The following HYCC1 variants were observed in gnomAD, a reference collection of about 807,000 sequenced individuals.
HYCC1 encodes the protein hyccin PI4KA lipid kinase complex subunit 1, also known as hyccin.
the HYCC1 span, among the ~76,000 whole-genome samples, chr7:22,982,428 C>CT: frequency 6.6e-6 from 1 of 152,138 alleles, no homozygotes; most frequent in Non-Finnish European, 1.5e-5. Flanking sequence ...TCTATACCCC[C>CT]TCCAAAAGAG....
At chr7:22,946,911 T>C in the HYCC1 span, 1 of 1,506,512 alleles carries the variant, frequency 6.6e-7, no homozygotes, top group Non-Finnish European at 8.9e-7. Context: ...ACTGTGCAAC[T>C]GCTGCTTAAC....
chr7:23,001,102 C>G, the HYCC1 span, among the ~76,000 whole-genome samples: 1 of 152,022 alleles, frequency 6.6e-6, no homozygotes, highest in African/African-American at 2.4e-5. Context: ...CTCAATGTGA[C>G]CAAATGTGTC....
At chr7:22,995,167 A>T in the HYCC1 span, among the ~76,000 whole-genome samples, 3 of 151,766 alleles carry the variant, frequency 2.0e-5, no homozygotes, top group African/African-American at 7.3e-5. Context: ...TCTTATTACC[A>T]CTCAAGATCA....
the HYCC1 span, among the ~76,000 whole-genome samples, chr7:22,958,523 G>A: frequency 0.012 from 1,761 of 152,164 alleles, 33 homozygotes; most frequent in African/African-American, 0.039. Context: ...TTTAATGAGG[G>A]TACAATCCTA....
At chr7:22,985,600 C>A in the HYCC1 span, 1 of 151,346 alleles carries the variant, frequency 6.6e-6, no homozygotes, top group East Asian at 1.9e-4. Context: ...ATTCTCCCGA[C>A]GGGGGAAAAA....
chr7:23,008,215 T>C, the HYCC1 span, among the ~76,000 whole-genome samples: 1 of 152,058 alleles, frequency 6.6e-6, no homozygotes, highest in Non-Finnish European at 1.5e-5. Context: ...GAAAACAGTA[T>C]ACGAGAATTA....
the HYCC1 span, among the ~76,000 whole-genome samples, chr7:22,974,591 C>A: frequency 6.6e-6 from 1 of 152,142 alleles, no homozygotes; most frequent in African/African-American, 2.4e-5. Flanking sequence ...TCTACCAAGC[C>A]CTTTGTCTTG....
At chr7:22,914,782 A>G in the HYCC1 span, among the ~76,000 whole-genome samples, 1 of 151,818 alleles carries the variant, frequency 6.6e-6, no homozygotes, top group Non-Finnish European at 1.5e-5. Flanking sequence ...CCTCCTCCCC[A>G]GTCTGCTCCT....
the HYCC1 span, among the ~76,000 whole-genome samples, chr7:23,008,861 AT>A: frequency 6.6e-6 from 1 of 151,996 alleles, no homozygotes. Context: ...AAAGATGTAA[AT>A]TTTTTTAAAA....
the HYCC1 span, among the ~76,000 whole-genome samples, chr7:23,000,719 C>T: frequency 6.6e-6 from 1 of 152,072 alleles, no homozygotes. Flanking sequence ...TAGCAAGGTG[C>T]TGCAAGGAGA....
At chr7:22,912,934 G>A in the HYCC1 span, among the ~76,000 whole-genome samples, 1 of 152,080 alleles carries the variant, frequency 6.6e-6, no homozygotes, top group Non-Finnish European at 1.5e-5. Context: ...GGAGTTCGAG[G>A]CCAGCCTGGA....
At chr7:22,922,873 G>C in the HYCC1 span, among the ~76,000 whole-genome samples, 1 of 152,090 alleles carries the variant, frequency 6.6e-6, no homozygotes, top group Non-Finnish European at 1.5e-5. Context: ...ATAACAATTA[G>C]AAATACATAT....
At chr7:22,917,938 T>C in the HYCC1 span, among the ~76,000 whole-genome samples, 3 of 152,260 alleles carry the variant, frequency 2.0e-5, no homozygotes, top group East Asian at 5.8e-4. Flanking sequence ...ACACTATCAA[T>C]CTCACTCCTA....
chr7:22,918,850 C>T, the HYCC1 span, among the ~76,000 whole-genome samples: 1 of 152,138 alleles, frequency 6.6e-6, no homozygotes, highest in Non-Finnish European at 1.5e-5. Context: ...ACTCAGCCCA[C>T]CTGCACCCAG....
the HYCC1 span, among the ~76,000 whole-genome samples, chr7:22,929,858 T>C: frequency 2.0e-5 from 3 of 152,126 alleles, no homozygotes; most frequent in East Asian, 1.9e-4. Flanking sequence ...ACCCAAAGGA[T>C]TATAAATCAT....
chr7:22,988,527 T>C, the HYCC1 span, among the ~76,000 whole-genome samples: 1 of 152,186 alleles, frequency 6.6e-6, no homozygotes, highest in Non-Finnish European at 1.5e-5. Flanking sequence ...GAAAACAAGA[T>C]CTGGGAGCTT....
the HYCC1 span, among the ~76,000 whole-genome samples, chr7:22,910,873 T>A: frequency 4.3e-3 from 374 of 86,564 alleles, 2 homozygotes; most frequent in African/African-American, 0.014. Context: ...ATATGTTCAC[T>A]CAAAAAAAAA....
At chr7:22,935,813 T>A in the HYCC1 span, 21 of 151,548 alleles carry the variant, frequency 1.4e-4, no homozygotes, top group Admixed American at 1.1e-3. Context: ...ACCTGGCTAA[T>A]TTTTTTTGTA....
the HYCC1 span, among the ~76,000 whole-genome samples, chr7:22,972,481 G>A: frequency 6.6e-6 from 1 of 152,136 alleles, no homozygotes; most frequent in African/African-American, 2.4e-5. Flanking sequence ...TAATAGCTGA[G>A]CATAGTTTCA....
Sources: gnomAD v4.1 joint callset for allele counts (sites outside exome capture counted in the v4.1 genomes callset) on GRCh38, gnomAD v4.1.1 for gene constraint, MANE v1.5 for transcripts, NCBI Gene and HGNC (gene_info 2026-07-23, HGNC 2026-07-21) for gene names.